The following STOX2 variants were observed in gnomAD, a reference collection of about 807,000 sequenced individuals.
STOX2 encodes storkhead-box protein 2.
Under a neutral mutation model 60.9 loss-of-function variants are expected in STOX2, and 28 were observed. The ratio of observed to expected loss-of-function variants is 0.46; its 90% confidence interval spans 0.34 to 0.63. The LOEUF is 0.63. Ranked by LOEUF, STOX2 falls within the 30% of genes least tolerant of loss-of-function variation. STOX2 has a pLI of 0.01. For synonymous variants in STOX2, 472 were observed against 463.9 expected, an observed-to-expected ratio of 1.02 and a Z score of -0.22; for missense variants, 1,024 against 1,187.7, an observed-to-expected ratio of 0.86 and a Z score of 2.03.
chr4:183,830,816 T>C (rs1459870247), intron 1 of STOX2, among the ~76,000 whole-genome samples: 1 of 151,520 alleles, frequency 6.6e-6, no homozygotes, highest in Non-Finnish European at 1.5e-5. Context: ...CAGGGTCACC[T>C]GATCCACACC....
At chr4:184,014,036 T>C (rs1734264183) in intron 3 of STOX2, 1 of 150,826 alleles carries the variant, frequency 6.6e-6, no homozygotes, top group African/African-American at 2.5e-5. Flanking sequence ...TGCCCAGCCC[T>C]GACATGAAAA....
At chr4:183,854,766 A>G (rs1046617852) in intron 1 of STOX2, among the ~76,000 whole-genome samples, 16 of 152,236 alleles carry the variant, frequency 1.1e-4, no homozygotes, top group Admixed American at 8.5e-4. Flanking sequence ...CTTAAAAATG[A>G]CAATTAATGA....
At chr4:183,850,650 A>G (rs889356926) in intron 1 of STOX2, among the ~76,000 whole-genome samples, 1 of 152,020 alleles carries the variant, frequency 6.6e-6, no homozygotes, top group Non-Finnish European at 1.5e-5. Context: ...GATTGCTTGA[A>G]CCCAGGAGGT....
chr4:183,803,357 T>C (rs926978702), intron 1 of STOX2, among the ~76,000 whole-genome samples: 4 of 152,082 alleles, frequency 2.6e-5, no homozygotes, highest in African/African-American at 9.7e-5. Context: ...ATTACAGATG[T>C]TAGCACCTAA....
In STOX2 at chr4:184,012,290, C is replaced by T. The variant is rs571118523; in HGVS notation, c.2585+867C>T. On this transcript the variant is annotated intron_variant, in intron 3 of 3. Coordinates refer to ENST00000308497, the MANE Select transcript of STOX2 (RefSeq NM_020225.3). ...TCAAAGAGCAACATGGGACCTAATT[C>T]TCTTTCTAACTTCTACTCCAGATTG... Among the ~76,000 whole-genome samples, 4 of 152,302 alleles carry T rather than the reference C, an allele frequency of 2.6e-5. No individual in the cohort carries two copies. The East Asian group carries it at 7.7e-4, about 29-fold the overall frequency.
chr4:183,901,423 T>C (rs1258249941), upstream of STOX2, among the ~76,000 whole-genome samples: 1 of 152,162 alleles, frequency 6.6e-6, no homozygotes, highest in Non-Finnish European at 1.5e-5. Flanking sequence ...TCTTTTCGGG[T>C]ATATCTAGAA....
intron 1 of STOX2, among the ~76,000 whole-genome samples, chr4:183,815,746 CA>C (rs1160867056): frequency 2.0e-5 from 3 of 152,170 alleles, no homozygotes; most frequent in Non-Finnish European, 4.4e-5. Context: ...GGTAGGTAAA[CA>C]CGAGATCTTT....
intron 1 of STOX2, among the ~76,000 whole-genome samples, chr4:183,959,907 G>A (rs1417876572): frequency 4.6e-5 from 7 of 152,020 alleles, no homozygotes; most frequent in Non-Finnish European, 1.0e-4. Flanking sequence ...CTTCATGGGA[G>A]TGTCCTTCAA....
exon 1 of STOX2, chr4:183,798,028 C>T (rs972616388): frequency 1.8e-4 from 221 of 1,229,600 alleles, no homozygotes; most frequent in Non-Finnish European, 2.1e-4. Flanking sequence ...CCTGCGGCCG[C>T]CCTCGGGCTT....
intron 1 of STOX2, among the ~76,000 whole-genome samples, chr4:183,983,907 G>A (rs2111191377): frequency 1.3e-5 from 2 of 152,276 alleles, no homozygotes. Flanking sequence ...GCCTCCCAAA[G>A]TGCTGGGATT....
chr4:183,824,349 A>T (rs79957282), intron 1 of STOX2, among the ~76,000 whole-genome samples: 139 of 152,208 alleles, frequency 9.1e-4, no homozygotes, highest in African/African-American at 3.2e-3. Context: ...TTCTACTTTC[A>T]TTTAAGGCTA....
At position 183,972,757 on chromosome 4, in the gene STOX2, T is replaced by A. The variant is rs75098558; in HGVS notation, c.167-28568T>A. Among the ~76,000 whole-genome samples, 1,078 of 152,324 alleles carry A rather than the reference T, an allele frequency of 7.1e-3. 23 individuals carry two copies. The highest frequency in any genetic ancestry group is 0.052 in the Admixed American group (802 of 15,290). ...CAACATTACTAAAAATTAGCCAGCATATGAAGAATTAGGATAATCTCAATT... is the reference window on the plus strand; with the variant it reads ...CAACATTACTAAAAATTAGCCAGCAAATGAAGAATTAGGATAATCTCAATT... On this transcript the variant is annotated intron_variant, in intron 1 of 3. Transcript: ENST00000308497.
chr4:183,888,703 C>T (rs1741139186), intron 1 of STOX2, among the ~76,000 whole-genome samples: 1 of 152,326 alleles, frequency 6.6e-6, no homozygotes, highest in Non-Finnish European at 1.5e-5. Flanking sequence ...AAAGCAGAAG[C>T]CAGAGGTTTG....
chr4:183,870,050 G>A (rs927575047), intron 1 of STOX2, among the ~76,000 whole-genome samples: 5 of 152,066 alleles, frequency 3.3e-5, no homozygotes, highest in Admixed American at 2.6e-4. Flanking sequence ...ACTTCCGTGG[G>A]CAAAAAAATC....
chr4:183,848,735 G>C (rs1449912273), intron 1 of STOX2, among the ~76,000 whole-genome samples: 1 of 152,314 alleles, frequency 6.6e-6, no homozygotes, highest in African/African-American at 2.4e-5. Flanking sequence ...ATCTTTATTA[G>C]AGAAGTGAGG....
intron 1 of STOX2, among the ~76,000 whole-genome samples, chr4:183,962,729 T>C (rs565453453): frequency 1.3e-5 from 2 of 152,356 alleles, no homozygotes; most frequent in African/African-American, 4.8e-5. Context: ...CAAAAGACTT[T>C]GCTCAGAAAT....
At chr4:184,000,147 G>A (rs1348289669) in intron 1 of STOX2, among the ~76,000 whole-genome samples, 2 of 151,986 alleles carry the variant, frequency 1.3e-5, no homozygotes, top group Non-Finnish European at 2.9e-5. Flanking sequence ...TGTCAGGAGC[G>A]AACTTTCCTG....
In STOX2 at chr4:183,917,574, A is replaced by C. The variant is rs548680733; in HGVS notation, c.166+10618A>C. 1.8e-4 allele frequency among the ~76,000 whole-genome samples: 28 copies of C among 152,372 alleles called. No individual in the cohort carries two copies. In the East Asian group the frequency reaches 3.3e-3, roughly 18 times the overall value. On this transcript the variant is annotated intron_variant, in intron 1 of 3. Transcript: ENST00000308497. ...AAATAACTGAAAGAAGTATTTGGACATATTTTCCCCACACTTGCAAACTGG... is the reference window on the plus strand; with the variant it reads ...AAATAACTGAAAGAAGTATTTGGACCTATTTTCCCCACACTTGCAAACTGG...
At chr4:183,807,370 C>T (rs931495281) in intron 1 of STOX2, among the ~76,000 whole-genome samples, 11 of 94,906 alleles carry the variant, frequency 1.2e-4, no homozygotes, top group African/African-American at 2.8e-4. Context: ...TTATGGACAG[C>T]AGTCCCCAGG....
Sources: gnomAD v4.1 joint callset for allele counts (sites outside exome capture counted in the v4.1 genomes callset) on GRCh38, gnomAD v4.1.1 for gene constraint, MANE v1.5 for transcripts, NCBI Gene and HGNC (gene_info 2026-07-23, HGNC 2026-07-21) for gene names.